COBL: variants seen among roughly 807,000 people sequenced by gnomAD.
COBL encodes the protein cordon-bleu WH2 repeat protein.
A neutral mutation model predicts 98.8 loss-of-function variants in COBL; 51 were observed. The observed-to-expected ratio is 0.52, with a 90% CI of 0.41 to 0.65. The LOEUF is 0.65. Among genes scored for constraint, COBL ranks in the 30% least tolerant of loss-of-function variants. The pLI is 0.00. For missense variants in COBL, 1,617 were observed against 1,617.5 expected (o/e 1.00, Z 0.01); for synonymous variants, 634 against 651.7 (o/e 0.97, Z 0.41).
At chr7:51,106,200 CAA>C (rs61220710) in intron 6 of COBL, among the ~76,000 whole-genome samples, 9,233 of 102,602 alleles carry the variant, frequency 0.09, 307 homozygotes, top group Middle Eastern at 0.17. Flanking sequence ...CGAGATGTCT[CAA>C]AAAAAAAAAA....
chr7:51,026,751 G>A lies in COBL; in HGVS notation c.3385-86C>T, dbSNP rs548590244. On this transcript the variant is annotated intron_variant, in intron 10 of 12. Coordinates refer to ENST00000265136, the MANE Select transcript of COBL (RefSeq NM_015198.5). ...CAGCTCATGAGAAAACCCACTCATG[G>A]GCCAGGCACGGTGGCTCATGCCTGT... 4 of 1,487,540 alleles carry A rather than the reference G, an allele frequency of 2.7e-6. No individual in the cohort carries two copies. In the African/African-American group the frequency reaches 5.5e-5, roughly 20 times the overall value. 92.1% of individuals were successfully genotyped at this position (1,487,540 alleles called of 1,614,324 possible). A position where few individuals can be genotyped will look rare whatever the true frequency, so the allele number is the denominator to read the frequency against.
intron 5 of COBL, chr7:51,156,137 T>C: frequency 2.0e-6 from 2 of 978,262 alleles, no homozygotes; most frequent in Non-Finnish European, 2.4e-6. Context: ...TCAAAGACAG[T>C]CCACTTAGGA....
At chr7:51,291,662 G>A (rs960904011) in intron 1 of COBL, among the ~76,000 whole-genome samples, 1 of 152,106 alleles carries the variant, frequency 6.6e-6, no homozygotes, top group Admixed American at 6.5e-5. Context: ...TCGGGTGGCT[G>A]AGGAAGGGGA....
chr7:51,262,080 G>T (rs565079549), intron 1 of COBL, among the ~76,000 whole-genome samples: 72 of 152,346 alleles, frequency 4.7e-4, no homozygotes, highest in African/African-American at 1.5e-3. Flanking sequence ...CGTGCTGATG[G>T]TGCAGGAAGA....
At chr7:51,263,187 G>A (rs561087896) in intron 1 of COBL, among the ~76,000 whole-genome samples, 6 of 151,900 alleles carry the variant, frequency 3.9e-5, no homozygotes, top group Admixed American at 3.9e-4. Context: ...GGTCCTACCT[G>A]TGAACAGCAC....
chr7:51,304,004 C>T (rs375626464), intron 1 of COBL, among the ~76,000 whole-genome samples: 11 of 152,052 alleles, frequency 7.2e-5, no homozygotes, highest in Admixed American at 3.3e-4. Flanking sequence ...ATAACGCTGG[C>T]GGCACCTTGA....
intron 1 of COBL, among the ~76,000 whole-genome samples, chr7:51,258,761 T>A (rs569097539): frequency 6.6e-6 from 1 of 152,340 alleles, no homozygotes; most frequent in Non-Finnish European, 1.5e-5. Flanking sequence ...GCAAAATAAA[T>A]GATTCATATC....
intron 4 of COBL, among the ~76,000 whole-genome samples, chr7:51,188,203 C>T (rs952215807): frequency 1.3e-5 from 2 of 152,222 alleles, no homozygotes; most frequent in Non-Finnish European, 2.9e-5. Flanking sequence ...ATGCTCCCAC[C>T]GGGGATTCCA....
chr7:51,160,572 A>G (rs1786697984), intron 5 of COBL, among the ~76,000 whole-genome samples: 1 of 152,180 alleles, frequency 6.6e-6, no homozygotes, highest in African/African-American at 2.4e-5. Context: ...GCTAGCTGTG[A>G]GCTCCTTCCT....
intron 1 of COBL, among the ~76,000 whole-genome samples, chr7:51,278,704 C>G (rs1245367359): frequency 6.6e-6 from 1 of 152,120 alleles, no homozygotes; most frequent in Non-Finnish European, 1.5e-5. Flanking sequence ...ACTCAAGCCT[C>G]CAAATCCAGG....
intron 7 of COBL, chr7:51,065,459 C>T (rs754481100): frequency 1.4e-6 from 1 of 692,312 alleles, no homozygotes; most frequent in Non-Finnish European, 2.6e-6. Flanking sequence ...ACTGTAGGGG[C>T]AAGGAGGAAA....
chr7:51,025,568 A>C (rs1787469318), intron 11 of COBL, among the ~76,000 whole-genome samples, 196 bp from the exon 12 acceptor site: 1 of 152,122 alleles, frequency 6.6e-6, no homozygotes, highest in Non-Finnish European at 1.5e-5. Context: ...CTCTGCTACT[A>C]TATGAGGATG....
At chr7:51,038,416 G>A (rs1038528721) in intron 8 of COBL, among the ~76,000 whole-genome samples, 1 of 152,236 alleles carries the variant, frequency 6.6e-6, no homozygotes, top group Non-Finnish European at 1.5e-5. Context: ...ACAGGTGGCA[G>A]AGCTCTTGAG....
Position 51,016,867 on chromosome 7 carries a change from C to T in COBL, c.*684G>A. 1 of 398,984 alleles carries T rather than the reference C, an allele frequency of 2.5e-6. No individual in the cohort carries two copies. The highest frequency in any genetic ancestry group is 4.4e-6 in the Non-Finnish European group (1 of 226,488). The allele number at this position is 398,984 out of a possible 1,614,324, so 24.7% of individuals were successfully genotyped here. ...GCCACCCTTGCAGGACTCGGGCATG[C>T]CCTGGCCACATGATCACGTAGGACT... On this transcript the variant is annotated 3_prime_UTR_variant, in exon 13 of 13. Transcript: ENST00000265136.
chr7:51,123,474 G>A (rs1284948592), intron 6 of COBL, among the ~76,000 whole-genome samples: 1 of 152,158 alleles, frequency 6.6e-6, no homozygotes, highest in Non-Finnish European at 1.5e-5. Flanking sequence ...GTGTGGAGGT[G>A]AACCAATTCT....
At chr7:51,293,895 C>T (rs1046291903) in intron 1 of COBL, among the ~76,000 whole-genome samples, 2 of 151,888 alleles carry the variant, frequency 1.3e-5, no homozygotes, top group Admixed American at 6.6e-5. Flanking sequence ...GCTCCCAGGT[C>T]GTCCCATGCT....
intron 1 of COBL, among the ~76,000 whole-genome samples, chr7:51,291,062 A>G (rs1283768918): frequency 6.6e-6 from 1 of 152,154 alleles, no homozygotes; most frequent in African/African-American, 2.4e-5. Context: ...AAACAGATGA[A>G]CGGCTAGCTG....
chr7:51,181,765 C>T (rs773733606), intron 5 of COBL, among the ~76,000 whole-genome samples: 8 of 151,728 alleles, frequency 5.3e-5, no homozygotes, highest in South Asian at 2.1e-4. Context: ...ACTGCTGTGT[C>T]GACAATGGTG....
intron 7 of COBL, among the ~76,000 whole-genome samples, chr7:51,048,109 T>C (rs1789894470): frequency 6.6e-6 from 1 of 151,166 alleles, no homozygotes; most frequent in African/African-American, 2.4e-5. Flanking sequence ...GAGGCTGCAG[T>C]GAGCCGAGAT....
Sources: gnomAD v4.1 joint callset for allele counts (sites outside exome capture counted in the v4.1 genomes callset) on GRCh38, gnomAD v4.1.1 for gene constraint, MANE v1.5 for transcripts, NCBI Gene and HGNC (gene_info 2026-07-23, HGNC 2026-07-21) for gene names.